Variants in PPP2R1A observed in about 807,000 individuals in gnomAD.
The protein encoded by PPP2R1A is protein phosphatase 2 scaffold subunit Aalpha.
PPP2R1A carries 15 observed loss-of-function variants against 67.1 expected under a neutral mutation model. The ratio of observed to expected loss-of-function variants is 0.22; its 90% CI spans 0.15 to 0.34. PPP2R1A has a LOEUF of 0.34. Among genes scored for constraint, PPP2R1A ranks in the 10% least tolerant of loss-of-function variants. PPP2R1A has a pLI of 1.00. For synonymous variants in PPP2R1A, 337 were observed against 325.0 expected, an observed-to-expected ratio of 1.04 and a Z score of -0.40; for missense variants, 369 against 775.0, an observed-to-expected ratio of 0.48 and a Z score of 6.22.
intron 3 of PPP2R1A, among the ~76,000 whole-genome samples, chr19:52,210,614 C>T (rs530400825): frequency 6.6e-6 from 1 of 151,862 alleles, no homozygotes; most frequent in Middle Eastern, 3.4e-3. Context: ...GCCTCAGCCT[C>T]CCGAGTAGCT....
intron 2 of PPP2R1A, among the ~76,000 whole-genome samples, chr19:52,203,319 G>C (rs778037707): frequency 6.6e-6 from 1 of 152,212 alleles, no homozygotes; most frequent in Non-Finnish European, 1.5e-5. Context: ...CCCCAAACCA[G>C]GTGGCTTCTA....
intron 3 of PPP2R1A, among the ~76,000 whole-genome samples, chr19:52,208,852 C>T (rs761805687): frequency 6.6e-6 from 1 of 152,204 alleles, no homozygotes; most frequent in Non-Finnish European, 1.5e-5. Context: ...CTGTTAAATT[C>T]TGGACCCTCT....
chr19:52,198,500 T>G (rs1421633709), intron 1 of PPP2R1A, among the ~76,000 whole-genome samples: 1 of 152,064 alleles, frequency 6.6e-6, no homozygotes, highest in African/African-American at 2.4e-5. Flanking sequence ...CAGGAAACAC[T>G]TAGGTTTACC....
At position 52,222,505 on chromosome 19, in the gene PPP2R1A, T is replaced by C. The variant is rs112400454; in HGVS notation, c.1661+264T>C. The C allele has an allele frequency of 7.1e-4, 249 of 351,464 alleles. 1 individual carries two copies. Among genetic ancestry groups the C allele is most frequent in the African/African-American group, 4.9e-3 (233 of 47,652 alleles). 21.8% of individuals were successfully genotyped at this position (351,464 alleles called of 1,614,324 possible). ...GAAAATGAAATCACCTTATGTTTTA[T>C]ATGTAAGTATGTGTATAATTTATAA... On this transcript the variant is annotated intron_variant, in intron 13 of 14. Transcript: ENST00000322088.
intron 3 of PPP2R1A, among the ~76,000 whole-genome samples, chr19:52,210,117 C>G (rs1209120733): frequency 6.6e-6 from 1 of 152,074 alleles, no homozygotes; most frequent in South Asian, 2.1e-4. Flanking sequence ...GCTTTAAATA[C>G]CTGTCAGCCC....
chr19:52,201,892 G>C, intron 1 of PPP2R1A, 52 bp from the exon 2 acceptor site: 1 of 1,542,754 alleles, frequency 6.5e-7, no homozygotes, highest in Non-Finnish European at 9.0e-7. Context: ...CAGAACTCAC[G>C]CGTGTCTGGG....
In PPP2R1A at chr19:52,216,757, CTGA is replaced by C; in HGVS notation, c.1128+96_1128+98del. 6.5e-7 allele frequency: 1 copy of C among 1,545,314 alleles called. No homozygotes were observed. Among genetic ancestry groups the C allele is most frequent in the Non-Finnish European group, 8.9e-7 (1 of 1,125,936 alleles). ...TTTACCTAGATTGACCAGGAATCTG[CTGA>C]TATCTCAACAGACATCCAGATCTTT... On this transcript the variant is annotated intron_variant, in intron 9 of 14. Transcript: ENST00000322088. This position sits in a 1 kb window ranked among gnomAD's most constrained non-coding sequence, Gnocchi z 4.3.
Position 52,212,752 on chromosome 19 carries a change from G to A in PPP2R1A, c.570G>A (p.Gly190=), listed in dbSNP as rs760464308. ...MVRRAAASKL[G]EFAKVLELDN... ...GGCGGGCCGCAGCCTCCAAGCTGGG[G>A]GAGTTTGCCAAGGTGCTGGAGCTGG... Residue 190 remains glycine (G), a synonymous_variant, in exon 5 of 15, where the codon GGG becomes GGA. Coordinates refer to ENST00000322088, the MANE Select transcript of PPP2R1A (RefSeq NM_014225.6). The surrounding 1 kb of genome is among the most constrained non-coding windows in gnomAD (Gnocchi z 4.1). The A allele has an allele frequency of 8.7e-6, 14 of 1,613,888 alleles. No homozygotes were observed. In the Admixed American group the frequency reaches 1.5e-4, roughly 17 times the overall value.
intron 1 of PPP2R1A, 50 bp downstream of exon 1, chr19:52,190,224 G>T: frequency 6.5e-7 from 1 of 1,532,616 alleles, no homozygotes; most frequent in Non-Finnish European, 8.8e-7. Context: ...GTACCTGGGG[G>T]CACGGGCGGC....
At position 52,190,657 on chromosome 19, in the gene PPP2R1A, C is replaced by T. The variant is rs1328542627; in HGVS notation, c.78+483C>T. On this transcript the variant is annotated intron_variant, in intron 1 of 14. Coordinates refer to ENST00000322088, the MANE Select transcript of PPP2R1A (RefSeq NM_014225.6). ...GGACCGAGAGGCGAAGGCCTGCCAT[C>T]CTAATTCCTGCTCTTCCTCCGCCTC... Among the ~76,000 whole-genome samples, 6 of 152,286 alleles carry T rather than the reference C, an allele frequency of 3.9e-5. No homozygotes were observed. In the East Asian group the frequency reaches 7.7e-4, roughly 20 times the overall value.
chr19:52,215,602 C>T (rs935183035), intron 6 of PPP2R1A, among the ~76,000 whole-genome samples, 177 bp from the exon 7 acceptor site: 4 of 152,168 alleles, frequency 2.6e-5, no homozygotes, highest in Non-Finnish European at 5.9e-5. Flanking sequence ...AGAGGCTCAG[C>T]GAGGTGAAGA....
At chr19:52,222,734 G>A (rs536372047) in intron 13 of PPP2R1A, among the ~76,000 whole-genome samples, 4 of 152,266 alleles carry the variant, frequency 2.6e-5, no homozygotes, top group African/African-American at 9.6e-5. Flanking sequence ...AAAATTAGCC[G>A]GTGCGGTAGC....
At chr19:52,220,868 G>A (rs1978876883) in intron 11 of PPP2R1A, 111 bp from the exon 12 acceptor site, 10 of 1,305,740 alleles carry the variant, frequency 7.7e-6, no homozygotes, top group Non-Finnish European at 1.1e-5. Flanking sequence ...CTCACATGCA[G>A]CCTGGCACCT....
rs770452052 is a variant in PPP2R1A at position 52,213,139 on chromosome 19, A to C, written c.807+29A>C. On this transcript the variant is annotated intron_variant, in intron 6 of 14. Coordinates refer to ENST00000322088, the MANE Select transcript of PPP2R1A (RefSeq NM_014225.6). The surrounding 1 kb of genome is among the most constrained non-coding windows in gnomAD (Gnocchi z 4.2). The stretch of plus-strand genomic sequence containing the variant: ...GATGAGCGACCGTTGACATTGTCCC[A>C]CTGGTGGGGACACTGACACTCTCAG... The C allele has an allele frequency of 1.8e-5, 28 of 1,520,868 alleles. No homozygotes were observed. In the African/African-American group the frequency reaches 2.8e-4, roughly 15 times the overall value. 94.2% of individuals were successfully genotyped at this position (1,520,868 alleles called of 1,614,324 possible).
intron 3 of PPP2R1A, among the ~76,000 whole-genome samples, chr19:52,206,836 G>C (rs2089608263): frequency 6.6e-6 from 1 of 152,156 alleles, no homozygotes; most frequent in African/African-American, 2.4e-5. Flanking sequence ...TTCTCAGAGT[G>C]CTGGGCCACT....
chr19:52,211,183 A>T lies in PPP2R1A; in HGVS notation c.271-77A>T. The T allele has an allele frequency of 7.2e-7, 1 of 1,387,174 alleles. No individual in the cohort carries two copies. Among genetic ancestry groups the T allele is most frequent in the Non-Finnish European group, 1.0e-6 (1 of 1,002,330 alleles). The allele number at this position is 1,387,174 out of a possible 1,614,324, so 85.9% of individuals were successfully genotyped here. A position where few individuals can be genotyped will look rare whatever the true frequency, so the allele number is the denominator to read the frequency against. On this transcript the variant is annotated intron_variant, in intron 3 of 14. Transcript: ENST00000322088. The surrounding 1 kb of genome is among the most constrained non-coding windows in gnomAD (Gnocchi z 5.3). ...TTTTCTCTGAGGAGATGAGCCCATGATGGGGTGCAGGATGGGGCTCCAGGG... is the reference window on the plus strand; with the variant it reads ...TTTTCTCTGAGGAGATGAGCCCATGTTGGGGTGCAGGATGGGGCTCCAGGG...
chr19:52,215,375 T>G (rs1185287480), intron 6 of PPP2R1A, among the ~76,000 whole-genome samples: 1 of 152,202 alleles, frequency 6.6e-6, no homozygotes, highest in Non-Finnish European at 1.5e-5. Flanking sequence ...TTATTTTCAT[T>G]ACAAAAGTAA....
At chr19:52,195,619 T>C (rs950732136) in intron 1 of PPP2R1A, among the ~76,000 whole-genome samples, 4 of 152,348 alleles carry the variant, frequency 2.6e-5, no homozygotes, top group Admixed American at 2.6e-4. Flanking sequence ...GGAGTTCCCA[T>C]GACCACCCTG....
In PPP2R1A at chr19:52,211,256, A is replaced by C; in HGVS notation, c.271-4A>C. The C allele has an allele frequency of 6.8e-6, 11 of 1,611,628 alleles. No homozygotes were observed. The highest frequency in any genetic ancestry group is 8.5e-6 in the Non-Finnish European group (10 of 1,179,576). On this transcript the variant is annotated splice_polypyrimidine_tract_variant and splice_region_variant and intron_variant, in intron 3 of 14. Coordinates refer to ENST00000322088, the MANE Select transcript of PPP2R1A (RefSeq NM_014225.6). This position sits in a 1 kb window ranked among gnomAD's most constrained non-coding sequence, Gnocchi z 5.3. Reference sequence around the variant, plus strand: ...TGTCCAGTGACTTTGTGTTCTCACCACAGCCACCGCTGGAGTCGCTGGCCA... The same window carrying C: ...TGTCCAGTGACTTTGTGTTCTCACCCCAGCCACCGCTGGAGTCGCTGGCCA...
Sources: gnomAD v4.1 joint callset for allele counts (sites outside exome capture counted in the v4.1 genomes callset) on GRCh38, gnomAD v4.1.1 for gene constraint, Gnocchi (gnomAD v3.1) non-coding constraint, MANE v1.5 for transcripts, NCBI Gene and HGNC (gene_info 2026-07-23, HGNC 2026-07-21) for gene names.